The following IPCEF1 variants were observed in gnomAD, a reference collection of about 807,000 sequenced individuals.
The protein encoded by IPCEF1 is interaction protein for cytohesin exchange factors 1.
A neutral mutation model predicts 50.9 loss-of-function variants in IPCEF1; 31 were observed. The ratio of observed to expected loss-of-function variants is 0.61; its 90% CI spans 0.46 to 0.82. IPCEF1 has a LOEUF of 0.82. Among genes scored for constraint, IPCEF1 ranks in the 40% least tolerant of loss-of-function variants. The pLI is 0.00. For synonymous variants in IPCEF1, 181 were observed against 192.0 expected (o/e 0.94, Z 0.47); for missense variants, 458 against 514.0 (o/e 0.89, Z 1.05).
intron 10 of IPCEF1, among the ~76,000 whole-genome samples, chr6:154,186,442 G>C (rs1801350101): frequency 6.6e-6 from 1 of 152,168 alleles, no homozygotes. Context: ...TTTGTTGCTA[G>C]CAAATCCCAT....
chr6:154,284,702 G>A (rs1782314073), intron 2 of IPCEF1, among the ~76,000 whole-genome samples: 1 of 152,094 alleles, frequency 6.6e-6, no homozygotes, highest in Non-Finnish European at 1.5e-5. Flanking sequence ...TACAGTGTGG[G>A]TAAGAAATCA....
chr6:154,168,192 C>A lies in IPCEF1; in HGVS notation c.911-79G>T. On this transcript the variant is annotated intron_variant, in intron 10 of 11. Coordinates refer to ENST00000367220, the MANE Select transcript of IPCEF1 (RefSeq NM_001130700.2). This position sits in a 1 kb window ranked among gnomAD's most constrained non-coding sequence, Gnocchi z 4.1. ...GAGAGAACATTCAATACTGTGGTCC[C>A]AAGGCACGGCCCCACTGGCACCCTC... 1 of 1,056,474 alleles carries A rather than the reference C, an allele frequency of 9.5e-7. No homozygotes were observed. Among genetic ancestry groups the A allele is most frequent in the Non-Finnish European group, 1.3e-6 (1 of 743,592 alleles). 65.4% of individuals were successfully genotyped at this position (1,056,474 alleles called of 1,614,324 possible). A position where few individuals can be genotyped will look rare whatever the true frequency, so the allele number is the denominator to read the frequency against.
chr6:154,192,219 T>A (rs1801951638), intron 10 of IPCEF1, among the ~76,000 whole-genome samples: 1 of 152,106 alleles, frequency 6.6e-6, no homozygotes, highest in Non-Finnish European at 1.5e-5. Flanking sequence ...CCAAAATATA[T>A]CTCTTCAGCA....
chr6:154,288,670 A>AAAAAAC (rs1562580718), intron 2 of IPCEF1, among the ~76,000 whole-genome samples: 3 of 13,120 alleles, frequency 2.3e-4, no homozygotes, highest in African/African-American at 7.8e-4. Flanking sequence ...TAAAAAACAA[A>AAAAAAC]AAAAACAAAA....
In IPCEF1 at chr6:154,201,620, C is replaced by T. The variant is rs147285690; in HGVS notation, c.538-1580G>A. 4.6e-5 allele frequency among the ~76,000 whole-genome samples: 7 copies of T among 152,252 alleles called. No homozygotes were observed. The East Asian group carries it at 5.8e-4, about 13-fold the overall frequency. ...ATTCAAAACTCTAAGGAAGGCCAGG[C>T]GCGGTGGCTCATGCCTGTAATCCCA... On this transcript the variant is annotated intron_variant, in intron 9 of 11. Coordinates refer to ENST00000367220, the MANE Select transcript of IPCEF1 (RefSeq NM_001130700.2).
chr6:154,256,982 G>T (rs1050655406), intron 3 of IPCEF1, among the ~76,000 whole-genome samples: 1 of 152,160 alleles, frequency 6.6e-6, no homozygotes, highest in African/African-American at 2.4e-5. Context: ...GTTTAAGGCA[G>T]GCTATGCTAA....
At chr6:154,250,455 T>G (rs531772840) in intron 3 of IPCEF1, among the ~76,000 whole-genome samples, 1 of 152,350 alleles carries the variant, frequency 6.6e-6, no homozygotes, top group East Asian at 1.9e-4. Flanking sequence ...CTTCTAAAGT[T>G]GAGGGGAAAT....
chr6:154,202,093 C>G (rs1196165860), intron 9 of IPCEF1, among the ~76,000 whole-genome samples: 1 of 152,122 alleles, frequency 6.6e-6, no homozygotes, highest in African/African-American at 2.4e-5. Context: ...ATGGGAGAAG[C>G]CAATATTTAC....
intron 10 of IPCEF1, among the ~76,000 whole-genome samples, chr6:154,194,832 T>G (rs1426495139): frequency 6.6e-6 from 1 of 152,132 alleles, no homozygotes; most frequent in Non-Finnish European, 1.5e-5. Context: ...AAGCAGGTGG[T>G]GAATCACCCA....
chr6:154,193,049 CG>C, intron 10 of IPCEF1, among the ~76,000 whole-genome samples: 1 of 152,242 alleles, frequency 6.6e-6, no homozygotes, highest in East Asian at 1.9e-4. Context: ...AGTCATTATA[CG>C]AAGAAGGATA....
At chr6:154,232,928 A>G (rs955605296) in intron 5 of IPCEF1, among the ~76,000 whole-genome samples, 3 of 152,026 alleles carry the variant, frequency 2.0e-5, no homozygotes, top group African/African-American at 7.2e-5. Context: ...AAAGAGAAGG[A>G]ATGACCCAGA....
At chr6:154,229,273 G>A (rs907241760) in intron 5 of IPCEF1, among the ~76,000 whole-genome samples, 4 of 151,350 alleles carry the variant, frequency 2.6e-5, no homozygotes, top group Non-Finnish European at 5.9e-5. Context: ...ATGAATGAAT[G>A]AACTATAATC....
At chr6:154,195,533 T>C (rs554504385) in intron 10 of IPCEF1, among the ~76,000 whole-genome samples, 30 of 152,256 alleles carry the variant, frequency 2.0e-4, no homozygotes, top group Non-Finnish European at 4.0e-4. Context: ...AAGGAACACC[T>C]ATCCCAGTAT....
chr6:154,166,521 G>A (rs867566433), intron 11 of IPCEF1, among the ~76,000 whole-genome samples: 12 of 152,260 alleles, frequency 7.9e-5, no homozygotes, highest in African/African-American at 2.4e-4. Flanking sequence ...CCTGACTCAC[G>A]GATTTCGTGA....
intron 5 of IPCEF1, among the ~76,000 whole-genome samples, chr6:154,226,100 T>C (rs763656045): frequency 1.3e-5 from 2 of 152,248 alleles, no homozygotes; most frequent in South Asian, 2.1e-4. Flanking sequence ...GTTTCTTAAA[T>C]GTCAGAGTTC....
At chr6:154,316,376 G>A (rs1030235166) in intron 1 of IPCEF1, among the ~76,000 whole-genome samples, 7 of 152,002 alleles carry the variant, frequency 4.6e-5, no homozygotes, top group African/African-American at 1.2e-4. Flanking sequence ...GCTGTGGTCC[G>A]GAACCAAACC....
chr6:154,219,520 C>T (rs989980149), intron 7 of IPCEF1, among the ~76,000 whole-genome samples: 10 of 152,084 alleles, frequency 6.6e-5, no homozygotes, highest in South Asian at 4.1e-4. Flanking sequence ...GGCTCAGCGG[C>T]GGACTGACCT....
intron 3 of IPCEF1, among the ~76,000 whole-genome samples, chr6:154,258,015 T>C (rs1293685740): frequency 6.6e-6 from 1 of 152,196 alleles, no homozygotes; most frequent in Non-Finnish European, 1.5e-5. Context: ...CTTTTTTCTA[T>C]TCTGCAGAAA....
At chr6:154,268,932 T>C (rs1408695388) in intron 2 of IPCEF1, among the ~76,000 whole-genome samples, 1 of 152,212 alleles carries the variant, frequency 6.6e-6, no homozygotes, top group Admixed American at 6.5e-5. Context: ...GATCCCCTTT[T>C]ATAGCCTCTC....
Sources: allele counts gnomAD v4.1 joint callset (sites outside exome capture counted in the v4.1 genomes callset), GRCh38; gene constraint gnomAD v4.1.1; non-coding constraint Gnocchi (gnomAD v3.1); transcripts MANE v1.5; gene names NCBI Gene and HGNC (gene_info 2026-07-23, HGNC 2026-07-21).